Variants in AFG1L observed in about 807,000 individuals in gnomAD.
The protein encoded by AFG1L is AFG1 like ATPase.
AFG1L carries 53 observed loss-of-function variants against 62.2 expected under a neutral mutation model. The observed-to-expected ratio is 0.85, with a 90% CI of 0.68 to 1.07. AFG1L has a LOEUF of 1.07. AFG1L is among the 50% of genes least tolerant of loss of function. AFG1L has a pLI of 0.00. For synonymous variants in AFG1L, 228 were observed against 210.3 expected (o/e 1.08, Z -0.73); for missense variants, 555 against 590.5 (o/e 0.94, Z 0.62).
intron 5 of AFG1L, 58 bp downstream of exon 5, chr6:108,356,878 T>A (rs989623157): frequency 7.2e-7 from 1 of 1,394,596 alleles, no homozygotes; most frequent in Admixed American, 2.1e-5. Context: ...TATGAAGATT[T>A]AAATTTTGCT....
intron 7 of AFG1L, among the ~76,000 whole-genome samples, chr6:108,428,776 T>C (rs142698066): frequency 9.8e-5 from 15 of 152,310 alleles, no homozygotes; most frequent in African/African-American, 3.4e-4. Context: ...TTCGTGTTAT[T>C]TTTCAACTTT....
intron 3 of AFG1L, among the ~76,000 whole-genome samples, chr6:108,349,621 TA>T (rs1779004171): frequency 1.3e-5 from 2 of 150,988 alleles, no homozygotes; most frequent in South Asian, 2.1e-4. Flanking sequence ...AAACAGGTAT[TA>T]AATTTTAACA....
chr6:108,445,773 C>G (rs892266744), intron 7 of AFG1L, among the ~76,000 whole-genome samples: 1 of 151,728 alleles, frequency 6.6e-6, no homozygotes, highest in Non-Finnish European at 1.5e-5. Context: ...TACCCTAAAA[C>G]AATTACAGTA....
intron 1 of AFG1L, among the ~76,000 whole-genome samples, chr6:108,300,725 T>A (rs1776961088): frequency 6.6e-6 from 1 of 151,228 alleles, no homozygotes. Context: ...CAGGCTGGAG[T>A]GCAGTGGAGC....
intron 7 of AFG1L, among the ~76,000 whole-genome samples, chr6:108,426,023 C>T (rs1488412538): frequency 6.6e-6 from 1 of 152,084 alleles, no homozygotes; most frequent in Non-Finnish European, 1.5e-5. Context: ...GAAGAAAGAA[C>T]AGAACCAAAG....
intron 1 of AFG1L, among the ~76,000 whole-genome samples, chr6:108,323,097 A>G (rs1777877506): frequency 6.6e-6 from 1 of 152,196 alleles, no homozygotes; most frequent in African/African-American, 2.4e-5. Context: ...TGAGTAGAGA[A>G]TTAAGGAACA....
chr6:108,365,248 C>T (rs931665024), intron 5 of AFG1L, among the ~76,000 whole-genome samples: 6 of 152,092 alleles, frequency 3.9e-5, no homozygotes, highest in African/African-American at 1.4e-4. Context: ...CTTCATTACA[C>T]ATTTATTTTT....
intron 8 of AFG1L, among the ~76,000 whole-genome samples, chr6:108,455,922 G>A (rs1415638262): frequency 1.3e-5 from 2 of 152,118 alleles, no homozygotes; most frequent in Non-Finnish European, 2.9e-5. Flanking sequence ...TGTTAGTAGT[G>A]TGTACTTTAA....
rs769458218 is a variant in AFG1L at position 108,356,820 on chromosome 6, GGTAAA to G, written c.648+4_648+8del. On this transcript the variant is annotated splice_donor_variant and splice_donor_5th_base_variant and intron_variant, in intron 5 of 12. Coordinates refer to ENST00000368977, the MANE Select transcript of AFG1L (RefSeq NM_145315.5). LOFTEE classifies it high-confidence loss of function. ...GTCTCCTATGTTTTGATGAATTTCA[GGTAAA>G]GTAGAGATTTTTCATAGATATAGAA... 19 of 1,606,876 alleles carry G rather than the reference GGTAAA, an allele frequency of 1.2e-5. No homozygotes were observed. Among genetic ancestry groups the G allele is most frequent in the Admixed American group, 6.9e-5 (4 of 58,324 alleles).
At chr6:108,512,333 G>T (rs1774686749) in intron 11 of AFG1L, among the ~76,000 whole-genome samples, 1 of 152,200 alleles carries the variant, frequency 6.6e-6, no homozygotes. Flanking sequence ...CCACCTAAGG[G>T]AGTGCTATCA....
intron 7 of AFG1L, among the ~76,000 whole-genome samples, chr6:108,433,955 AG>A (rs1290793732): frequency 1.6e-4 from 24 of 152,312 alleles, no homozygotes; most frequent in African/African-American, 5.1e-4. Flanking sequence ...TTTCTTTTAA[AG>A]GGTTACAGCC....
intron 6 of AFG1L, among the ~76,000 whole-genome samples, chr6:108,393,489 T>C (rs1489772927): frequency 3.3e-5 from 5 of 152,138 alleles, no homozygotes; most frequent in Non-Finnish European, 7.4e-5. Context: ...AAAGGCTGAT[T>C]TTTTAAAAAG....
At chr6:108,327,231 T>A (rs958075818) in intron 2 of AFG1L, among the ~76,000 whole-genome samples, 3 of 152,186 alleles carry the variant, frequency 2.0e-5, no homozygotes, top group African/African-American at 7.2e-5. Flanking sequence ...AAATAGAGAT[T>A]CATTTAGATT....
In AFG1L at chr6:108,304,740, A is replaced by G. The variant is rs550328706; in HGVS notation, c.139+9522A>G. 2.6e-5 allele frequency among the ~76,000 whole-genome samples: 4 copies of G among 152,332 alleles called. No individual in the cohort carries two copies. In the South Asian group the frequency reaches 8.3e-4, roughly 32 times the overall value. On this transcript the variant is annotated intron_variant, in intron 1 of 12. Transcript: ENST00000368977. Reference sequence around the variant, plus strand: ...TAGTTTTGATTTCATTTAACTAAGCATGTGTTCTTTTTGGCAACCCTCTTC... The same window carrying G: ...TAGTTTTGATTTCATTTAACTAAGCGTGTGTTCTTTTTGGCAACCCTCTTC...
intron 1 of AFG1L, among the ~76,000 whole-genome samples, chr6:108,308,737 T>G (rs1370515479): frequency 1.3e-5 from 2 of 151,836 alleles, no homozygotes; most frequent in African/African-American, 2.4e-5. Flanking sequence ...AGAGTCTCAC[T>G]CTGTCATCCA....
intron 2 of AFG1L, among the ~76,000 whole-genome samples, chr6:108,332,049 C>G (rs918033034): frequency 2.6e-4 from 40 of 152,288 alleles, no homozygotes; most frequent in African/African-American, 9.1e-4. Context: ...ATGCATGAGG[C>G]AGATGGAAAA....
At position 108,441,712 on chromosome 6, in the gene AFG1L, A is replaced by ATATATATATATAT. The variant is rs1554198359; in HGVS notation, c.808-5502_808-5501insTATATATATATAT. On this transcript the variant is annotated intron_variant, in intron 7 of 12. Coordinates refer to ENST00000368977, the MANE Select transcript of AFG1L (RefSeq NM_145315.5). ...ATCTGAGGTTTATTTAAAAAAAAAA[A>ATATATATATATAT]ATATATATATATATATATAAACTGA... Among the ~76,000 whole-genome samples the ATATATATATATAT allele has an allele frequency of 6.7e-4, 93 of 139,490 alleles. No homozygotes were observed. The South Asian group carries it at 8.1e-3, about 12-fold the overall frequency. 91.5% of individuals were successfully genotyped at this position (139,490 alleles called of 152,430 possible).
intron 7 of AFG1L, among the ~76,000 whole-genome samples, chr6:108,421,302 T>G (rs67963812): frequency 0.1 from 15,202 of 152,146 alleles, 1,098 homozygotes; most frequent in African/African-American, 0.2. Flanking sequence ...GAACTCTATA[T>G]TGAGGAAACT....
At position 108,356,699 on chromosome 6, in the gene AFG1L, G is replaced by A. The variant is rs532639912; in HGVS notation, c.527G>A (p.Arg176His). 1.7e-5 allele frequency: 27 copies of A among 1,606,256 alleles called. No homozygotes were observed. The Admixed American group carries it at 2.5e-4, about 15-fold the overall frequency. Residue 176 changes from arginine to histidine, a missense_variant, in exon 5 of 13, where the codon CGC (arginine) becomes CAC (histidine). Arg to His is a conservative substitution (Grantham distance 29). Transcript: ENST00000368977. ...ATTTCATGCATTTAAGGAATACATC[G>A]CCTTAAACAGAGTTTGCCAAAAAGG... ...FMLDVHKRIH[R>H]LKQSLPKRKP...
Sources: allele counts gnomAD v4.1 joint callset (sites outside exome capture counted in the v4.1 genomes callset), GRCh38; gene constraint gnomAD v4.1.1; transcripts MANE v1.5; gene names NCBI Gene and HGNC (gene_info 2026-07-23, HGNC 2026-07-21).